Variants in POLI observed in about 807,000 individuals in gnomAD.
POLI encodes the protein RAD30 homolog B.
In POLI, 58 loss-of-function variants were observed where a neutral mutation model predicts 51.6. The ratio of observed to expected loss-of-function variants is 1.12; its 90% CI spans 0.91 to 1.40. The LOEUF (loss-of-function observed/expected upper bound fraction) is 1.40. Ranked by LOEUF, POLI falls within the 40% of genes most tolerant of loss-of-function variation. The probability of loss-of-function intolerance (pLI) is 0.00; values close to 1 mark genes in which losing one functional copy is unlikely to be tolerated. For synonymous variants in POLI, 322 were observed against 299.7 expected (o/e 1.07, Z -0.77); for missense variants, 921 against 871.3 (o/e 1.06, Z -0.72).
chr18:54,305,394 G>A (rs1158011867), intron 3 of POLI, among the ~76,000 whole-genome samples: 1 of 152,176 alleles, frequency 6.6e-6, no homozygotes, highest in Non-Finnish European at 1.5e-5. Flanking sequence ...CTATCCATGA[G>A]CATGGAATGT....
intron 4 of POLI, 140 bp downstream of exon 4, chr18:54,277,995 G>A (rs1351656335): frequency 6.4e-6 from 4 of 620,730 alleles, no homozygotes; most frequent in African/African-American, 1.8e-5. Context: ...ATCTGTCTAG[G>A]ACAGCTAAAA....
intron 4 of POLI, chr18:54,320,405 A>G (rs1259182493): frequency 6.6e-6 from 1 of 152,212 alleles, no homozygotes; most frequent in Non-Finnish European, 1.5e-5. Context: ...GAGTGCCATG[A>G]AAAGACCTAA....
chr18:54,291,903 G>A lies in POLI; in HGVS notation c.1269G>A (p.Lys423=). The A allele has an allele frequency of 6.2e-7, 1 of 1,608,220 alleles. No homozygotes were observed. Among genetic ancestry groups the A allele is most frequent in the Non-Finnish European group, 8.5e-7 (1 of 1,175,162 alleles). ...MKLFRNMVNV[K]MPFHLTLLSV... ...TTTTTCGAAATATGGTGAATGTGAAGATGCCATTTCACCTTACCCTTCTAA... is the reference window on the plus strand; with the variant it reads ...TTTTTCGAAATATGGTGAATGTGAAAATGCCATTTCACCTTACCCTTCTAA... The change falls in exon 9 of 10, where the codon AAG becomes AAA. Residue 423 remains lysine (K), a synonymous_variant. Coordinates refer to ENST00000579534, the MANE Select transcript of POLI (RefSeq NM_007195.3).
At chr18:54,292,957 A>G (rs1216902248) in intron 9 of POLI, among the ~76,000 whole-genome samples, 1 of 152,090 alleles carries the variant, frequency 6.6e-6, no homozygotes, top group Non-Finnish European at 1.5e-5. Flanking sequence ...TTTGTCACAC[A>G]GTAGGTAGTC....
rs932504704 is a variant in POLI at position 54,294,629 on chromosome 18, G to A, written c.*162G>A. 12 of 1,291,468 alleles carry A rather than the reference G, an allele frequency of 9.3e-6. No individual in the cohort carries two copies. Among genetic ancestry groups the A allele is most frequent in the Non-Finnish European group, 1.2e-5 (12 of 1,022,816 alleles). 80.0% of individuals were successfully genotyped at this position (1,291,468 alleles called of 1,614,324 possible). A position where few individuals can be genotyped will look rare whatever the true frequency, so the allele number is the denominator to read the frequency against. On this transcript the variant is annotated 3_prime_UTR_variant, in exon 10 of 10. Coordinates refer to ENST00000579534, the MANE Select transcript of POLI (RefSeq NM_007195.3). ...TGCAAGAAGTAAATTCTGGCACAAA[G>A]CGTAAAAATATAACAGAAGAAATAA...
chr18:54,283,710 T>G, intron 6 of POLI: 1 of 307,432 alleles, frequency 3.3e-6, no homozygotes, highest in Non-Finnish European at 6.1e-6. Flanking sequence ...ATATTAACTG[T>G]TAATACAGTA....
chr18:54,285,975 A>G (rs895096464), intron 7 of POLI, among the ~76,000 whole-genome samples: 10 of 152,254 alleles, frequency 6.6e-5, no homozygotes, highest in East Asian at 3.9e-4. Context: ...GGCTCAAGCA[A>G]TCCTCCCACC....
Position 54,271,379 on chromosome 18 carries a change from G to T in POLI, c.135G>T (p.Leu45Phe). 6.2e-7 allele frequency: 1 copy of T among 1,612,246 alleles called. No individual in the cohort carries two copies. The highest frequency in any genetic ancestry group is 8.5e-7 in the Non-Finnish European group (1 of 1,178,890). Reference sequence around the variant, plus strand: ...GTGCAGGAGTTCATGATCAAGTGTTGCCCACACCAAATGCTTCATCCAGAG... The same window carrying T: ...GTGCAGGAGTTCATGATCAAGTGTTTCCCACACCAAATGCTTCATCCAGAG... ...ASSQGVHDQV[L>F]PTPNASSRVI... The change falls in exon 2 of 10, where the codon TTG becomes TTT. Residue 45 changes from leucine to phenylalanine, a missense_variant. Physicochemically the swap from Leu to Phe is conservative, Grantham distance 22. Coordinates refer to ENST00000579534, the MANE Select transcript of POLI (RefSeq NM_007195.3).
intron 3 of POLI, among the ~76,000 whole-genome samples, chr18:54,318,594 A>C (rs185645014): frequency 5.3e-5 from 8 of 152,274 alleles, no homozygotes; most frequent in Admixed American, 2.6e-4. Context: ...TTCTTTGTAG[A>C]AATCTTTTAA....
chr18:54,307,170 A>C (rs2088599974), intron 3 of POLI, among the ~76,000 whole-genome samples: 1 of 151,908 alleles, frequency 6.6e-6, no homozygotes, highest in African/African-American at 2.4e-5. Context: ...TAGTTCTTTT[A>C]ATTGTGATGT....
At chr18:54,282,255 T>A (rs2087533598) in intron 5 of POLI, among the ~76,000 whole-genome samples, 1 of 152,154 alleles carries the variant, frequency 6.6e-6, no homozygotes. Context: ...GTAAAATTTT[T>A]GTTTTAGTAA....
chr18:54,306,987 A>G (rs937281166), intron 3 of POLI, among the ~76,000 whole-genome samples: 1 of 152,082 alleles, frequency 6.6e-6, no homozygotes, highest in Non-Finnish European at 1.5e-5. Context: ...TAGTCTTGCT[A>G]GCAGTCTAGC....
At chr18:54,278,503 C>T (rs1275764062) in intron 4 of POLI, among the ~76,000 whole-genome samples, 1 of 152,156 alleles carries the variant, frequency 6.6e-6, no homozygotes, top group Non-Finnish European at 1.5e-5. Context: ...CTTCGATTCC[C>T]CTGAGACCCT....
At chr18:54,320,766 A>G (rs546970695) in intron 4 of POLI, among the ~76,000 whole-genome samples, 1 of 152,172 alleles carries the variant, frequency 6.6e-6, no homozygotes, top group African/African-American at 2.4e-5. Flanking sequence ...CGATTATGAT[A>G]TAGTTTTTAA....
At position 54,292,013 on chromosome 18, in the gene POLI, C is replaced by T. The variant is rs755467839; in HGVS notation, c.1379C>T (p.Thr460Ile). The T allele has an allele frequency of 2.5e-6, 4 of 1,606,296 alleles. No individual in the cohort carries two copies. Among genetic ancestry groups the T allele is most frequent in the Admixed American group, 1.7e-5 (1 of 59,738 alleles). The change falls in exon 9 of 10, where the codon ACT (threonine) becomes ATT (isoleucine). Residue 460 changes from threonine (T) to isoleucine (I), a missense_variant. Thr to Ile is a moderately conservative substitution (Grantham distance 89). Transcript: ENST00000579534. ...TATTTAATGCCATCATTATCAACTA[C>T]TTCACGCTCTGGCAAGCACAGTTTT... Reference protein sequence around the residue: ...DYYLMPSLSTTSRSGKHSFKM... With the variant: ...DYYLMPSLSTISRSGKHSFKM...
intron 8 of POLI, chr18:54,287,719 G>A: frequency 5.0e-6 from 1 of 200,738 alleles, no homozygotes; most frequent in Admixed American, 5.6e-5. Context: ...AGCTGGGACA[G>A]TAGGTGCATG....
downstream of POLI, among the ~76,000 whole-genome samples, chr18:54,302,638 T>G (rs928381255): frequency 6.6e-6 from 1 of 152,182 alleles, no homozygotes; most frequent in Non-Finnish European, 1.5e-5. Flanking sequence ...CTTATAATCT[T>G]TTAGTCATTT....
intron 1 of POLI, chr18:54,270,465 T>A (rs1297697979): frequency 6.6e-6 from 1 of 152,250 alleles, no homozygotes; most frequent in African/African-American, 2.4e-5. Context: ...CCTGGCCTTT[T>A]AAATTTTGGA....
At chr18:54,302,500 T>C (rs2088509528), downstream of POLI, among the ~76,000 whole-genome samples, 1 of 152,180 alleles carries the variant, frequency 6.6e-6, no homozygotes, top group East Asian at 1.9e-4. Flanking sequence ...TGGTACATAG[T>C]AGGTATGTAT....
Sources: allele counts gnomAD v4.1 joint callset (sites outside exome capture counted in the v4.1 genomes callset), GRCh38; gene constraint gnomAD v4.1.1; transcripts MANE v1.5; gene names NCBI Gene and HGNC (gene_info 2026-07-23, HGNC 2026-07-21).